Variants in ADAM7 observed in about 807,000 individuals in gnomAD.
ADAM7 encodes ADAM metallopeptidase domain 7.
A neutral mutation model predicts 102.9 loss-of-function variants in ADAM7; 97 were observed. The observed-to-expected ratio is 0.94, with a 90% CI of 0.80 to 1.12. ADAM7 has a LOEUF of 1.12. Among genes scored for constraint, ADAM7 ranks in the 50% most tolerant of loss-of-function variants. ADAM7 has a pLI of 0.00. For synonymous variants in ADAM7, 334 were observed against 304.4 expected (o/e 1.10, Z -1.01); for missense variants, 991 against 908.7 (o/e 1.09, Z -1.16).
chr8:24,497,940 A>T (rs1820615645), intron 16 of ADAM7, among the ~76,000 whole-genome samples: 1 of 152,060 alleles, frequency 6.6e-6, no homozygotes, highest in South Asian at 2.1e-4. Flanking sequence ...GGACCCTAAA[A>T]CTATATTTAC....
chr8:24,509,325 C>T lies in ADAM7; in HGVS notation c.*779C>T. 1.0e-6 allele frequency: 1 copy of T among 985,400 alleles called. No homozygotes were observed. The allele number at this position is 985,400 out of a possible 1,614,324, so 61.0% of individuals were successfully genotyped here. On this transcript the variant is annotated 3_prime_UTR_variant, in exon 22 of 22. Coordinates refer to ENST00000175238, the MANE Select transcript of ADAM7 (RefSeq NM_003817.4). ...AATTTGACAATGTGCCATTTCTGTG[C>T]TGTCTCTGCCCTCTCCCTATCCGTT...
At chr8:24,483,246 G>C (rs546517801) in intron 9 of ADAM7, among the ~76,000 whole-genome samples, 8 of 152,102 alleles carry the variant, frequency 5.3e-5, no homozygotes, top group Non-Finnish European at 1.2e-4. Context: ...CAGAGGAAAA[G>C]GATAAGTAAT....
chr8:24,449,399 G>A (rs2129374282), intron 3 of ADAM7, among the ~76,000 whole-genome samples: 1 of 152,290 alleles, frequency 6.6e-6, no homozygotes, highest in Admixed American at 6.5e-5. Context: ...TTCTCTGATG[G>A]CCAGTGACGG....
intron 20 of ADAM7, among the ~76,000 whole-genome samples, chr8:24,502,829 C>A (rs1820807331): frequency 6.6e-6 from 1 of 152,038 alleles, no homozygotes; most frequent in East Asian, 1.9e-4. Context: ...CATAAACTTT[C>A]CAGATAATTG....
chr8:24,472,891 T>C (rs1158065607), intron 7 of ADAM7, among the ~76,000 whole-genome samples: 2 of 151,946 alleles, frequency 1.3e-5, no homozygotes, highest in East Asian at 1.9e-4. Context: ...TATAGAAATA[T>C]ATGTAAAATT....
chr8:24,448,089 T>G (rs1818634648), intron 3 of ADAM7, among the ~76,000 whole-genome samples: 1 of 152,134 alleles, frequency 6.6e-6, no homozygotes, highest in African/African-American at 2.4e-5. Flanking sequence ...TCTGCATATT[T>G]TCACCTTCTC....
intron 3 of ADAM7, among the ~76,000 whole-genome samples, chr8:24,449,583 C>T (rs1243012249): frequency 6.6e-6 from 1 of 152,040 alleles, no homozygotes; most frequent in African/African-American, 2.4e-5. Flanking sequence ...CGAAAATTTT[C>T]TCCCATTTTG....
intron 8 of ADAM7, among the ~76,000 whole-genome samples, chr8:24,480,914 T>C (rs1329958060): frequency 6.6e-6 from 1 of 151,870 alleles, no homozygotes; most frequent in Non-Finnish European, 1.5e-5. Flanking sequence ...ATAAATAAAA[T>C]AGCAAGGCAC....
At chr8:24,454,334 T>C (rs1818918501) in intron 3 of ADAM7, among the ~76,000 whole-genome samples, 1 of 152,228 alleles carries the variant, frequency 6.6e-6, no homozygotes, top group South Asian at 2.1e-4. Context: ...CTGCTTTGTT[T>C]ACCTAAGCAA....
rs1186435488 is a variant in ADAM7 at position 24,467,000 on chromosome 8, ATTAT to A, written c.579+14_579+17del. 1.9e-6 allele frequency: 3 copies of A among 1,601,486 alleles called. No homozygotes were observed. The highest frequency in any genetic ancestry group is 1.3e-5 in the African/African-American group (1 of 74,658). On this transcript the variant is annotated intron_variant, in intron 6 of 21. Coordinates refer to ENST00000175238, the MANE Select transcript of ADAM7 (RefSeq NM_003817.4). ...ACTCCAAAATAAAAGTGAGTACTTTATTATTATCTTTACCCCAAATGAAACACCT... is the reference window on the plus strand; with the variant it reads ...ACTCCAAAATAAAAGTGAGTACTTTATATCTTTACCCCAAATGAAACACCT...
At chr8:24,480,924 CAGT>C (rs553573958) in intron 8 of ADAM7, among the ~76,000 whole-genome samples, 96 of 152,166 alleles carry the variant, frequency 6.3e-4, no homozygotes, top group African/African-American at 2.0e-3. Flanking sequence ...TAGCAAGGCA[CAGT>C]GGTGTGTGCC....
chr8:24,491,927 A>C lies in ADAM7; in HGVS notation c.1381A>C (p.Arg461=). ...CQIKKAGSIC[R]PAKDECDFPE... is the part of the protein sequence containing the mutation. ...GATAAAAAAAGCAGGGTCCATATGC[A>C]GACCGGCGAAAGATGAATGTGATTT... The change falls in exon 14 of 22, where the codon AGA becomes CGA. Residue 461 remains arginine, a synonymous_variant. Coordinates refer to ENST00000175238, the MANE Select transcript of ADAM7 (RefSeq NM_003817.4). 1 of 1,612,418 alleles carries C rather than the reference A, an allele frequency of 6.2e-7. No homozygotes were observed. Among genetic ancestry groups the C allele is most frequent in the Non-Finnish European group, 8.5e-7 (1 of 1,179,274 alleles).
chr8:24,479,154 T>A (rs1351820909), intron 8 of ADAM7, among the ~76,000 whole-genome samples: 1 of 152,056 alleles, frequency 6.6e-6, no homozygotes, highest in Non-Finnish European at 1.5e-5. Context: ...TAGTGGCGTG[T>A]TGTTTGTTCC....
chr8:24,479,095 C>T (rs550412572), intron 8 of ADAM7, among the ~76,000 whole-genome samples: 23 of 152,142 alleles, frequency 1.5e-4, no homozygotes, highest in Non-Finnish European at 2.5e-4. Context: ...CACCTCAGCA[C>T]GTTTATTGAG....
Position 24,507,553 on chromosome 8 carries a change from A to G in ADAM7, c.2264+18A>G. On this transcript the variant is annotated intron_variant, in intron 21 of 21. Transcript: ENST00000175238. ...GCCAAGTGGTAGGTTACCCTGACAG[A>G]TAGTACCTCCCTTTTTTATTTTTCA... 6.3e-7 allele frequency: 1 copy of G among 1,592,850 alleles called. No individual in the cohort carries two copies. Among genetic ancestry groups the G allele is most frequent in the Non-Finnish European group, 8.6e-7 (1 of 1,160,978 alleles).
At chr8:24,487,044 G>A (rs1307005562) in intron 10 of ADAM7, 143 bp from the exon 11 acceptor site, 18 of 782,584 alleles carry the variant, frequency 2.3e-5, no homozygotes, top group Non-Finnish European at 1.9e-6. Flanking sequence ...ACAGAGGAGA[G>A]AAGTAACTGA....
intron 13 of ADAM7, 52 bp downstream of exon 13, chr8:24,490,940 A>G: frequency 6.3e-7 from 1 of 1,575,988 alleles, no homozygotes; most frequent in Admixed American, 1.7e-5. Context: ...AAGAATATGT[A>G]GGATCCAAGA....
chr8:24,491,892 TTCC>T lies in ADAM7; in HGVS notation c.1357-8_1357-6del. 3.8e-6 allele frequency: 6 copies of T among 1,584,974 alleles called. No individual in the cohort carries two copies. The highest frequency in any genetic ancestry group is 5.1e-6 in the Non-Finnish European group (6 of 1,165,562). On this transcript the variant is annotated splice_region_variant and splice_polypyrimidine_tract_variant and intron_variant, in intron 13 of 21. Transcript: ENST00000175238. ...TATCCAGGATTTAGTCTCTTTGTTTTTCCTCAACAGATAAAAAAAGCAGGGTCC... is the reference window on the plus strand; with the variant it reads ...TATCCAGGATTTAGTCTCTTTGTTTTTCAACAGATAAAAAAAGCAGGGTCC...
chr8:24,487,337 C>T lies in ADAM7; in HGVS notation c.1091+20C>T, dbSNP rs1161462553. ...TGGAAGGTGAGATTCGAACAATGTA[C>T]AGAATACACTTACATAATTCAGAAG... is the stretch of plus-strand genomic sequence containing the variant. On this transcript the variant is annotated intron_variant, in intron 11 of 21. Coordinates refer to ENST00000175238, the MANE Select transcript of ADAM7 (RefSeq NM_003817.4). 5 of 1,611,688 alleles carry T rather than the reference C, an allele frequency of 3.1e-6. No individual in the cohort carries two copies. The highest frequency in any genetic ancestry group is 4.2e-6 in the Non-Finnish European group (5 of 1,178,728).
Sources: allele counts gnomAD v4.1 joint callset (sites outside exome capture counted in the v4.1 genomes callset), GRCh38; gene constraint gnomAD v4.1.1; transcripts MANE v1.5; gene names NCBI Gene and HGNC (gene_info 2026-07-23, HGNC 2026-07-21).